Variants in TMEFF2 observed in about 807,000 individuals in gnomAD.
TMEFF2 encodes tomoregulin-2.
TMEFF2 carries 28 observed loss-of-function variants against 53.8 expected under a neutral mutation model. That is an observed-to-expected ratio of 0.52 (90% CI 0.39 to 0.71). TMEFF2 has a LOEUF of 0.71. TMEFF2 is among the 30% of genes least tolerant of loss of function. TMEFF2 has a pLI of 0.00. For missense variants in TMEFF2, 353 were observed against 455.2 expected, an observed-to-expected ratio of 0.78 and a Z score of 2.04; for synonymous variants, 162 against 166.3, an observed-to-expected ratio of 0.97 and a Z score of 0.20.
chr2:192,110,983 T>C (rs1689262216), intron 4 of TMEFF2, among the ~76,000 whole-genome samples: 1 of 152,218 alleles, frequency 6.6e-6, no homozygotes, highest in Admixed American at 6.5e-5. Flanking sequence ...ATGTAAGACA[T>C]GCCTTTTGCC....
At chr2:192,136,005 G>A (rs374811352) in intron 4 of TMEFF2, among the ~76,000 whole-genome samples, 29 of 150,936 alleles carry the variant, frequency 1.9e-4, no homozygotes, top group Non-Finnish European at 4.0e-4. Context: ...ATCTCCCTTC[G>A]CTGACTCTCT....
intron 7 of TMEFF2, among the ~76,000 whole-genome samples, chr2:191,961,218 TATTGC>T (rs1692263130): frequency 2.0e-5 from 3 of 152,194 alleles, no homozygotes. Flanking sequence ...CTATGTAATG[TATTGC>T]CTTTCTTTTG....
At chr2:192,159,008 A>G (rs530901719) in intron 4 of TMEFF2, among the ~76,000 whole-genome samples, 1 of 152,142 alleles carries the variant, frequency 6.6e-6, no homozygotes, top group South Asian at 2.1e-4. Context: ...CTGAAGTTCC[A>G]TGTATGGAGG....
intron 4 of TMEFF2, among the ~76,000 whole-genome samples, chr2:192,126,078 GAT>G (rs1689670448): frequency 1.3e-5 from 2 of 152,102 alleles, no homozygotes; most frequent in South Asian, 4.1e-4. Context: ...CCAATAAGTG[GAT>G]ATACTCAAAT....
chr2:192,018,691 T>C (rs1466149038), intron 5 of TMEFF2, among the ~76,000 whole-genome samples: 8 of 152,190 alleles, frequency 5.3e-5, no homozygotes, highest in African/African-American at 1.9e-4. Flanking sequence ...CTTGAAATTT[T>C]GATCCAATAT....
intron 7 of TMEFF2, among the ~76,000 whole-genome samples, chr2:191,964,323 CCTTTCTTTCCTTCTTTCTTTCTTT>C (rs1692368731): frequency 3.3e-5 from 4 of 122,442 alleles, no homozygotes; most frequent in African/African-American, 1.1e-4. Context: ...TTCCTTCCTT[CCTTTCTTTCCTTCTTTCTTTCTTT>C]CTTTCTTTCT....
rs557204183 is a variant in TMEFF2 at position 192,085,089 on chromosome 2, G to A, written c.440-27314C>T. 5.9e-5 allele frequency among the ~76,000 whole-genome samples: 9 copies of A among 152,186 alleles called. No homozygotes were observed. The South Asian group carries it at 1.2e-3, about 21-fold the overall frequency. On this transcript the variant is annotated intron_variant, in intron 4 of 9. Coordinates refer to ENST00000272771, the MANE Select transcript of TMEFF2 (RefSeq NM_016192.4). ...ATGAAATCTGTATTCAGGATGTAACGCTTCTTCTGAAGTGCTTGGAGAATC... is the reference window on the plus strand; with the variant it reads ...ATGAAATCTGTATTCAGGATGTAACACTTCTTCTGAAGTGCTTGGAGAATC...
chr2:191,995,083 A>G (rs1574274841), intron 7 of TMEFF2, among the ~76,000 whole-genome samples: 1 of 152,096 alleles, frequency 6.6e-6, no homozygotes, highest in South Asian at 2.1e-4. Context: ...ACTCTAGTAT[A>G]CTGCACATAT....
At chr2:192,191,036 A>T (rs1691449101) in intron 2 of TMEFF2, among the ~76,000 whole-genome samples, 1 of 152,168 alleles carries the variant, frequency 6.6e-6, no homozygotes, top group South Asian at 2.1e-4. Context: ...ATAGGCTATT[A>T]GTACAACATC....
At chr2:192,122,994 A>C (rs980945123) in intron 4 of TMEFF2, among the ~76,000 whole-genome samples, 2 of 152,354 alleles carry the variant, frequency 1.3e-5, no homozygotes, top group African/African-American at 4.8e-5. Context: ...GCAGCCATGC[A>C]ATAAAGTTAT....
chr2:192,062,664 C>T (rs946844390), intron 4 of TMEFF2, among the ~76,000 whole-genome samples: 4 of 152,038 alleles, frequency 2.6e-5, no homozygotes, highest in South Asian at 2.1e-4. Flanking sequence ...ATATTTTTCT[C>T]GGTCTATTTT....
chr2:192,158,103 TG>T (rs1690548365), intron 4 of TMEFF2, among the ~76,000 whole-genome samples: 1 of 152,088 alleles, frequency 6.6e-6, no homozygotes, highest in Non-Finnish European at 1.5e-5. Flanking sequence ...ATGAAGCAGA[TG>T]ATCAAGCAGG....
At chr2:192,041,873 G>A (rs1406897892) in intron 5 of TMEFF2, among the ~76,000 whole-genome samples, 1 of 152,102 alleles carries the variant, frequency 6.6e-6, no homozygotes, top group Admixed American at 6.6e-5. Context: ...TTTTATATGG[G>A]TTTGGTTTGG....
At chr2:192,058,283 C>CTTA (rs1687960391) in intron 4 of TMEFF2, among the ~76,000 whole-genome samples, 1 of 151,982 alleles carries the variant, frequency 6.6e-6, no homozygotes, top group South Asian at 2.1e-4. Context: ...CTGTTAAGTA[C>CTTA]TTATAAGAAA....
At chr2:192,019,924 C>T (rs1318142749) in intron 5 of TMEFF2, among the ~76,000 whole-genome samples, 1 of 151,956 alleles carries the variant, frequency 6.6e-6, no homozygotes, top group Non-Finnish European at 1.5e-5. Flanking sequence ...TTTTTCTTTG[C>T]TCACATAGAT....
intron 4 of TMEFF2, among the ~76,000 whole-genome samples, chr2:192,126,086 C>T (rs991475448): frequency 1.3e-5 from 2 of 152,058 alleles, no homozygotes; most frequent in African/African-American, 4.8e-5. Context: ...TGGATATACT[C>T]AAATGCAAGT....
At chr2:192,015,705 G>A (rs755755351) in intron 5 of TMEFF2, among the ~76,000 whole-genome samples, 1 of 152,110 alleles carries the variant, frequency 6.6e-6, no homozygotes, top group African/African-American at 2.4e-5. Context: ...GACATTTAGG[G>A]GAAGGCTCGT....
chr2:191,968,290 G>A (rs1403180650), intron 7 of TMEFF2, among the ~76,000 whole-genome samples: 2 of 152,104 alleles, frequency 1.3e-5, no homozygotes, highest in Non-Finnish European at 2.9e-5. Context: ...GCTAGTCCGT[G>A]GGAAAGATGA....
chr2:191,984,552 T>C (rs1685931270), intron 7 of TMEFF2, among the ~76,000 whole-genome samples: 1 of 152,202 alleles, frequency 6.6e-6, no homozygotes, highest in Non-Finnish European at 1.5e-5. Flanking sequence ...GCTCTTAACA[T>C]TTTAAACTCA....
Sources: allele counts gnomAD v4.1 joint callset (sites outside exome capture counted in the v4.1 genomes callset), GRCh38; gene constraint gnomAD v4.1.1; transcripts MANE v1.5; gene names NCBI Gene and HGNC (gene_info 2026-07-23, HGNC 2026-07-21).